The following RBFOX1 variants were observed in gnomAD, a reference collection of about 807,000 sequenced individuals.
RBFOX1 encodes RNA binding fox-1 homolog 1.
In RBFOX1, 8 loss-of-function variants were observed where a neutral mutation model predicts 57.7. The ratio of observed to expected loss-of-function variants is 0.14; its 90% CI spans 0.08 to 0.25. The LOEUF is 0.25. RBFOX1 is among the 10% of genes least tolerant of loss of function. The probability of loss-of-function intolerance (pLI) is 1.00; values close to 1 mark genes in which losing one functional copy is unlikely to be tolerated. For missense variants in RBFOX1, 611 were observed against 548.5 expected (o/e 1.11, Z -1.14); for synonymous variants, 326 against 222.4 (o/e 1.47, Z -4.15).
chr16:5,675,971 T>C (rs1346135659), intron 3 of RBFOX1, among the ~76,000 whole-genome samples: 2 of 152,076 alleles, frequency 1.3e-5, no homozygotes, highest in Non-Finnish European at 2.9e-5. Context: ...ATTAGGTTAT[T>C]AGAGGGATCA....
At chr16:5,802,269 T>G (rs2055083264) in intron 3 of RBFOX1, among the ~76,000 whole-genome samples, 1 of 152,150 alleles carries the variant, frequency 6.6e-6, no homozygotes, top group South Asian at 2.1e-4. Flanking sequence ...AGTCCTTTTC[T>G]TCCTCTTCTC....
intron 1 of RBFOX1, among the ~76,000 whole-genome samples, chr16:5,345,092 C>T (rs192413102): frequency 5.3e-5 from 8 of 152,310 alleles, no homozygotes; most frequent in African/African-American, 1.7e-4. Flanking sequence ...TGGAGCCCAT[C>T]GTGAAGACAT....
At chr16:7,688,065 C>G (rs573534608) in intron 14 of RBFOX1, among the ~76,000 whole-genome samples, 7 of 152,092 alleles carry the variant, frequency 4.6e-5, no homozygotes, top group African/African-American at 1.2e-4. Context: ...GGGCTAAAAA[C>G]CTCTGCCTTA....
intron 4 of RBFOX1, among the ~76,000 whole-genome samples, chr16:7,426,191 G>C (rs1481631244): frequency 6.6e-6 from 1 of 152,218 alleles, no homozygotes; most frequent in African/African-American, 2.4e-5. Context: ...CAGCCGAAAA[G>C]AGCTCTTAAA....
intron 4 of RBFOX1, among the ~76,000 whole-genome samples, chr16:5,928,922 G>C (rs1194992399): frequency 6.6e-6 from 1 of 151,496 alleles, no homozygotes; most frequent in Non-Finnish European, 1.5e-5. Flanking sequence ...ATTGAAAACA[G>C]AGCTCGCAAT....
At chr16:7,010,870 C>A (rs1051141433) in intron 3 of RBFOX1, among the ~76,000 whole-genome samples, 1 of 152,216 alleles carries the variant, frequency 6.6e-6, no homozygotes, top group Non-Finnish European at 1.5e-5. Context: ...AGCCACTGCT[C>A]CCGGCCCACA....
At chr16:5,352,463 C>T (rs1215364930) in intron 1 of RBFOX1, among the ~76,000 whole-genome samples, 1 of 152,212 alleles carries the variant, frequency 6.6e-6, no homozygotes, top group Non-Finnish European at 1.5e-5. Context: ...CATTTTCTTT[C>T]GTTGGCTTTT....
chr16:5,339,470 G>GTTTTTTTTTTT (rs560472298), intron 1 of RBFOX1, among the ~76,000 whole-genome samples: 722 of 40,874 alleles, frequency 0.018, 234 homozygotes, highest in Non-Finnish European at 0.023. Flanking sequence ...CTTTTTCCGT[G>GTTTTTTTTTTT]TTTTTTTTTT....
intron 2 of RBFOX1, among the ~76,000 whole-genome samples, chr16:6,643,063 C>T (rs1054254628): frequency 4.9e-4 from 74 of 152,130 alleles, no homozygotes; most frequent in Admixed American, 1.3e-4. Context: ...GCTGAACCTT[C>T]TTAAACACAT....
intron 1 of RBFOX1, among the ~76,000 whole-genome samples, chr16:5,395,048 T>G (rs1205441624): frequency 2.0e-5 from 3 of 152,196 alleles, no homozygotes; most frequent in Admixed American, 6.5e-5. Context: ...CTCGACACCC[T>G]TCAGAATCTC....
intron 2 of RBFOX1, among the ~76,000 whole-genome samples, chr16:5,567,813 G>A (rs1242836151): frequency 2.6e-5 from 4 of 152,116 alleles, no homozygotes; most frequent in African/African-American, 9.7e-5. Flanking sequence ...ATCTTGCCAA[G>A]CACGTCCTGA....
intron 4 of RBFOX1, among the ~76,000 whole-genome samples, chr16:7,315,387 G>C (rs1052270907): frequency 6.6e-6 from 1 of 150,832 alleles, no homozygotes; most frequent in Non-Finnish European, 1.5e-5. Context: ...TGTCATTTTA[G>C]TAGAATTCTG....
intron 14 of RBFOX1, among the ~76,000 whole-genome samples, chr16:7,703,667 C>T (rs775712956): frequency 6.6e-6 from 1 of 152,186 alleles, no homozygotes; most frequent in African/African-American, 2.4e-5. Context: ...AGTAGGTGTA[C>T]ATAGTACTTC....
chr16:7,320,793 G>C (rs1424699361), intron 4 of RBFOX1, among the ~76,000 whole-genome samples: 1 of 152,218 alleles, frequency 6.6e-6, no homozygotes, highest in East Asian at 1.9e-4. Context: ...AATATTTTAA[G>C]TATGTGGTTA....
chr16:5,276,078 A>C (rs1368904665), intron 1 of RBFOX1, among the ~76,000 whole-genome samples: 1 of 152,244 alleles, frequency 6.6e-6, no homozygotes, highest in African/African-American at 2.4e-5. Context: ...AAACCATAAA[A>C]ATTCTTGAAG....
chr16:6,074,161 C>G (rs1309445041), intron 1 of RBFOX1, among the ~76,000 whole-genome samples: 3 of 152,058 alleles, frequency 2.0e-5, no homozygotes, highest in East Asian at 1.9e-4. Context: ...TGTTAGCCAT[C>G]ATGGTCTTGA....
intron 4 of RBFOX1, among the ~76,000 whole-genome samples, chr16:5,961,475 GT>G (rs2059746403): frequency 7.4e-6 from 1 of 135,148 alleles, no homozygotes; most frequent in Admixed American, 7.9e-5. Flanking sequence ...GTGCTCTTTT[GT>G]TTAAAAAAAA....
At chr16:7,655,165 C>G (rs926115085) in intron 12 of RBFOX1, among the ~76,000 whole-genome samples, 3 of 152,088 alleles carry the variant, frequency 2.0e-5, no homozygotes, top group Non-Finnish European at 4.4e-5. Flanking sequence ...TTTTTCATTA[C>G]ATATTCATTC....
At chr16:6,310,452 C>T (rs1038154047) in intron 1 of RBFOX1, among the ~76,000 whole-genome samples, 8 of 152,144 alleles carry the variant, frequency 5.3e-5, no homozygotes, top group Admixed American at 2.0e-4. Context: ...GTAGGCGTAG[C>T]GCTTGGCTGT....
Sources: allele counts gnomAD v4.1 joint callset (sites outside exome capture counted in the v4.1 genomes callset), GRCh38; gene constraint gnomAD v4.1.1; transcripts MANE v1.5; gene names NCBI Gene and HGNC (gene_info 2026-07-23, HGNC 2026-07-21).